Variants in IFRD1 observed in about 807,000 individuals in gnomAD.
The protein encoded by IFRD1 is interferon-related developmental regulator 1.
IFRD1 carries 35 observed loss-of-function variants against 52.9 expected under a neutral mutation model. That is an observed-to-expected ratio of 0.66 (90% confidence interval 0.51 to 0.88). The LOEUF (loss-of-function observed/expected upper bound fraction) is 0.88, where lower values mean the gene tolerates loss of function less well. IFRD1 is among the 40% of genes least tolerant of loss of function. IFRD1 has a pLI of 0.00. For synonymous variants in IFRD1, 184 were observed against 188.4 expected (o/e 0.98, Z 0.19); for missense variants, 517 against 550.8 (o/e 0.94, Z 0.61).
intron 3 of IFRD1, among the ~76,000 whole-genome samples, chr7:112,456,416 T>C (rs1795292270): frequency 6.6e-6 from 1 of 152,196 alleles, no homozygotes; most frequent in South Asian, 2.1e-4. Flanking sequence ...AATCTTCAAC[T>C]AGAAATGATA....
chr7:112,456,890 TC>T, intron 3 of IFRD1, 23 bp from the exon 4 acceptor site: 1 of 1,611,890 alleles, frequency 6.2e-7, no homozygotes, highest in Non-Finnish European at 8.5e-7. Flanking sequence ...GGATCTTCTT[TC>T]TCTTACATTG....
chr7:112,460,077 G>C (rs148101148), intron 5 of IFRD1, among the ~76,000 whole-genome samples: 17 of 152,220 alleles, frequency 1.1e-4, no homozygotes, highest in African/African-American at 4.1e-4. Flanking sequence ...AAAACACTCT[G>C]CTGGGTAGAT....
chr7:112,440,978 A>T (rs964737729), intron 1 of IFRD1, among the ~76,000 whole-genome samples: 3 of 152,178 alleles, frequency 2.0e-5, no homozygotes, highest in Non-Finnish European at 4.4e-5. Flanking sequence ...TCTACAAAAA[A>T]TACAAAAATT....
At position 112,437,653 on chromosome 7, in the gene IFRD1, A is replaced by G. The variant is rs1055204328; in HGVS notation, c.-181-12855A>G. Among the ~76,000 whole-genome samples, 4 of 151,628 alleles carry G rather than the reference A, an allele frequency of 2.6e-5. No individual in the cohort carries two copies. The East Asian group carries it at 7.7e-4, about 29-fold the overall frequency. On this transcript the variant is annotated intron_variant, in intron 1 of 12. Coordinates refer to the IFRD1 transcript ENST00000005558. ...TCACTAAGGGCTATGCTACTTCCCCATAATGGAAATCCCTCCAGAGCACTA... is the reference window on the plus strand; with the variant it reads ...TCACTAAGGGCTATGCTACTTCCCCGTAATGGAAATCCCTCCAGAGCACTA...
intron 4 of IFRD1, chr7:112,457,310 C>T: frequency 1.8e-6 from 1 of 561,296 alleles, no homozygotes; most frequent in Non-Finnish European, 3.2e-6. Flanking sequence ...GATGGTCATT[C>T]TCTTGTTATA....
At chr7:112,466,233 T>A (rs1795605732) in intron 8 of IFRD1, among the ~76,000 whole-genome samples, 1 of 152,242 alleles carries the variant, frequency 6.6e-6, no homozygotes, top group Non-Finnish European at 1.5e-5. Context: ...CGTGTTACAT[T>A]TTATTTTCTT....
At chr7:112,473,210 T>C (rs1315580311) in intron 11 of IFRD1, among the ~76,000 whole-genome samples, 1 of 152,156 alleles carries the variant, frequency 6.6e-6, no homozygotes, top group African/African-American at 2.4e-5. Context: ...AAATTTAATA[T>C]GTACATATAT....
chr7:112,432,498 G>T (rs915719745), intron 1 of IFRD1, among the ~76,000 whole-genome samples: 1 of 152,178 alleles, frequency 6.6e-6, no homozygotes, highest in Non-Finnish European at 1.5e-5. Context: ...CTGATAATCA[G>T]TTACAAAGAA....
At chr7:112,425,778 T>C (rs1319791007) in intron 1 of IFRD1, among the ~76,000 whole-genome samples, 1 of 152,144 alleles carries the variant, frequency 6.6e-6, no homozygotes, top group African/African-American at 2.4e-5. Context: ...ACTAATACAC[T>C]GGGGCACTAC....
At chr7:112,442,385 G>A (rs949403171) in intron 1 of IFRD1, among the ~76,000 whole-genome samples, 4 of 152,158 alleles carry the variant, frequency 2.6e-5, no homozygotes, top group Non-Finnish European at 4.4e-5. Flanking sequence ...TATAGAGTAC[G>A]TGGCAGGTTA....
At chr7:112,464,538 A>G (rs1178247159) in intron 8 of IFRD1, among the ~76,000 whole-genome samples, 1 of 152,154 alleles carries the variant, frequency 6.6e-6, no homozygotes, top group Admixed American at 6.6e-5. Context: ...AAAATGGATA[A>G]ATTATTAGTC....
chr7:112,444,864 C>T (rs751494227), intron 1 of IFRD1, among the ~76,000 whole-genome samples: 48 of 152,002 alleles, frequency 3.2e-4, no homozygotes, highest in Admixed American at 2.0e-4. Flanking sequence ...ACCTAGGTGA[C>T]GGGATCATTC....
At chr7:112,451,005 G>C in intron 1 of IFRD1, 2 of 576,432 alleles carry the variant, frequency 3.5e-6, no homozygotes, top group Non-Finnish European at 6.2e-6. Context: ...ACCGGCCGTG[G>C]GGGCAGGGAG....
At chr7:112,432,492 T>A (rs991292947) in intron 1 of IFRD1, among the ~76,000 whole-genome samples, 9 of 152,226 alleles carry the variant, frequency 5.9e-5, no homozygotes, top group African/African-American at 2.2e-4. Flanking sequence ...AAAATACTGA[T>A]AATCAGTTAC....
At chr7:112,463,056 C>G (rs1795484722) in intron 8 of IFRD1, among the ~76,000 whole-genome samples, 1 of 152,110 alleles carries the variant, frequency 6.6e-6, no homozygotes, top group Non-Finnish European at 1.5e-5. Flanking sequence ...TTTGTCATCT[C>G]TATTTTAAGG....
Position 112,472,785 on chromosome 7 carries a change from A to C in IFRD1, c.1190A>C (p.Asn397Thr). Residue 397 changes from asparagine to threonine, a missense_variant, in exon 11 of 12, where the codon AAT becomes ACT. Coordinates refer to ENST00000403825, the MANE Select transcript of IFRD1 (RefSeq NM_001550.4). ...CATAAGTCAAATGAATTCCTTCGAA[A>C]TGTATTTGAACTTGGACCCCCAGTG... ...YHLQSNEFLR[N>T]VFELGPPVML... The C allele has an allele frequency of 6.2e-7, 1 of 1,611,490 alleles. No individual in the cohort carries two copies. The highest frequency in any genetic ancestry group is 8.5e-7 in the Non-Finnish European group (1 of 1,177,558).
chr7:112,463,418 C>G (rs1211667468), intron 8 of IFRD1, among the ~76,000 whole-genome samples: 1 of 152,150 alleles, frequency 6.6e-6, no homozygotes, highest in Non-Finnish European at 1.5e-5. Context: ...ATATTCCATT[C>G]TAGGCCTGTA....
chr7:112,464,200 C>G (rs554081241), intron 8 of IFRD1, among the ~76,000 whole-genome samples: 11 of 151,800 alleles, frequency 7.2e-5, no homozygotes, highest in African/African-American at 2.7e-4. Flanking sequence ...AGGCTTTTTG[C>G]TAACTGACTT....
At chr7:112,443,649 A>C (rs1394404666) in intron 1 of IFRD1, among the ~76,000 whole-genome samples, 3 of 152,012 alleles carry the variant, frequency 2.0e-5, no homozygotes, top group African/African-American at 7.3e-5. Flanking sequence ...AGGTGTGTGG[A>C]CCACTTGTCA....
Sources: gnomAD v4.1 joint callset for allele counts (sites outside exome capture counted in the v4.1 genomes callset) on GRCh38, gnomAD v4.1.1 for gene constraint, MANE v1.5 for transcripts, NCBI Gene and HGNC (gene_info 2026-07-23, HGNC 2026-07-21) for gene names.